The following ZNF292 variants were observed in gnomAD, a reference collection of about 807,000 sequenced individuals.
ZNF292 encodes the protein zinc finger protein 292.
ZNF292 carries 26 observed loss-of-function variants against 217.9 expected under a neutral mutation model. The ratio of observed to expected loss-of-function variants is 0.12; its 90% CI spans 0.09 to 0.17. The LOEUF is 0.17. ZNF292 is among the 10% of genes least tolerant of loss of function. The probability of loss-of-function intolerance (pLI) is 1.00; values close to 1 mark genes in which losing one functional copy is unlikely to be tolerated. For missense variants in ZNF292, 2,904 were observed against 3,175.2 expected (o/e 0.91, Z 2.05); for synonymous variants, 1,257 against 1,124.1 (o/e 1.12, Z -2.37).
intron 4 of ZNF292, among the ~76,000 whole-genome samples, chr6:87,222,612 CCATATA>C (rs1305600242): frequency 6.6e-6 from 1 of 152,120 alleles, no homozygotes; most frequent in African/African-American, 2.4e-5. Flanking sequence ...TGAAGAGTTT[CCATATA>C]CCCTGAACCC....
chr6:87,252,702 A>G (rs1298502855), intron 7 of ZNF292, among the ~76,000 whole-genome samples: 2 of 151,966 alleles, frequency 1.3e-5, no homozygotes, highest in Admixed American at 6.5e-5. Flanking sequence ...TCTTTCTTGC[A>G]TATCGTAATA....
intron 4 of ZNF292, among the ~76,000 whole-genome samples, chr6:87,232,224 CAT>C (rs1562159272): frequency 6.6e-6 from 1 of 152,044 alleles, no homozygotes; most frequent in Non-Finnish European, 1.5e-5. Context: ...GAGCCATGAT[CAT>C]AGCATTTTAT....
At chr6:87,206,921 T>C (rs1346670452) in intron 1 of ZNF292, among the ~76,000 whole-genome samples, 1 of 152,186 alleles carries the variant, frequency 6.6e-6, no homozygotes, top group Non-Finnish European at 1.5e-5. Context: ...TGAAGTTTCT[T>C]TGCAGAAGTG....
chr6:87,224,719 A>C (rs996290258), intron 4 of ZNF292, among the ~76,000 whole-genome samples: 1 of 152,142 alleles, frequency 6.6e-6, no homozygotes, highest in Non-Finnish European at 1.5e-5. Flanking sequence ...GTATCCATTC[A>C]CCTGTTAAAG....
At chr6:87,201,861 T>C (rs1772107388) in intron 1 of ZNF292, among the ~76,000 whole-genome samples, 1 of 152,272 alleles carries the variant, frequency 6.6e-6, no homozygotes. Flanking sequence ...CTCACTGGTT[T>C]CTGATGGGGC....
intron 5 of ZNF292, among the ~76,000 whole-genome samples, chr6:87,233,947 A>G (rs1053123820): frequency 2.0e-5 from 3 of 152,208 alleles, no homozygotes; most frequent in African/African-American, 7.2e-5. Flanking sequence ...TATAAATTCT[A>G]TATAGAATAT....
intron 1 of ZNF292, among the ~76,000 whole-genome samples, chr6:87,194,349 T>C (rs1399726384): frequency 1.3e-5 from 2 of 151,642 alleles, no homozygotes; most frequent in African/African-American, 2.4e-5. Context: ...AAATTTAATA[T>C]TTATGTAAAA....
At chr6:87,219,918 C>T (rs1772993793) in intron 4 of ZNF292, among the ~76,000 whole-genome samples, 1 of 152,184 alleles carries the variant, frequency 6.6e-6, no homozygotes, top group Non-Finnish European at 1.5e-5. Flanking sequence ...GCCTCACTTC[C>T]AGACTCAAGT....
At chr6:87,240,640 C>T (rs956536693) in intron 5 of ZNF292, among the ~76,000 whole-genome samples, 4 of 152,036 alleles carry the variant, frequency 2.6e-5, no homozygotes, top group East Asian at 3.9e-4. Flanking sequence ...AGGCTGGTCT[C>T]GAACTCCTGA....
At chr6:87,214,097 A>G (rs544572418) in intron 1 of ZNF292, among the ~76,000 whole-genome samples, 3 of 152,300 alleles carry the variant, frequency 2.0e-5, no homozygotes, top group Non-Finnish European at 4.4e-5. Flanking sequence ...GATTATATGT[A>G]TAATAGTGAC....
chr6:87,193,936 A>G (rs186910497), intron 1 of ZNF292, among the ~76,000 whole-genome samples: 73 of 152,326 alleles, frequency 4.8e-4, no homozygotes, highest in Middle Eastern at 3.4e-3. Flanking sequence ...ATCTTAATGA[A>G]ATCTAGGAAC....
chr6:87,192,385 C>G (rs755109062), intron 1 of ZNF292, among the ~76,000 whole-genome samples: 3 of 151,048 alleles, frequency 2.0e-5, no homozygotes, highest in Non-Finnish European at 4.4e-5. Context: ...TTAACCCTAG[C>G]GAAAATAACT....
rs954587042 is a variant in ZNF292 at position 87,257,118 on chromosome 6, C to T, written c.3489C>T (p.Ser1163=). The change falls in exon 8 of 8, where the codon AGC becomes AGT. Residue 1163 remains serine, a synonymous_variant. Coordinates refer to ENST00000369577, the MANE Select transcript of ZNF292 (RefSeq NM_015021.3). ...ATTTTTTGCCATCACCGGTGAACAGCTCAAATCCATTTTTTACATCACAGA... is the reference window on the plus strand; with the variant it reads ...ATTTTTTGCCATCACCGGTGAACAGTTCAAATCCATTTTTTACATCACAGA... ...FVYFLPSPVN[S]SNPFFTSQTK... 2 of 1,613,840 alleles carry T rather than the reference C, an allele frequency of 1.2e-6. No homozygotes were observed. Among genetic ancestry groups the T allele is most frequent in the Non-Finnish European group, 8.5e-7 (1 of 1,179,828 alleles).
At chr6:87,164,233 G>A (rs1480690644) in intron 1 of ZNF292, among the ~76,000 whole-genome samples, 1 of 152,184 alleles carries the variant, frequency 6.6e-6, no homozygotes, top group East Asian at 1.9e-4. Flanking sequence ...GTGGTTGTCA[G>A]ACAGGCTGGT....
chr6:87,159,002 G>A (rs1450138569), intron 1 of ZNF292, among the ~76,000 whole-genome samples: 1 of 152,128 alleles, frequency 6.6e-6, no homozygotes, highest in Non-Finnish European at 1.5e-5. Flanking sequence ...GTAACCCTTA[G>A]TTTTGCATTT....
At chr6:87,213,002 C>T (rs1028424026) in intron 1 of ZNF292, among the ~76,000 whole-genome samples, 2 of 152,080 alleles carry the variant, frequency 1.3e-5, no homozygotes, top group Non-Finnish European at 2.9e-5. Context: ...CTGAAAATCA[C>T]CTGACAAACA....
At chr6:87,238,561 AAATT>A (rs1774015805) in intron 5 of ZNF292, among the ~76,000 whole-genome samples, 1 of 150,868 alleles carries the variant, frequency 6.6e-6, no homozygotes, top group African/African-American at 2.4e-5. Flanking sequence ...CATAATAGAT[AAATT>A]TGGTACCATA....
intron 6 of ZNF292, among the ~76,000 whole-genome samples, chr6:87,244,920 A>G (rs1774494682): frequency 6.6e-6 from 1 of 152,048 alleles, no homozygotes. Context: ...ATGTGGCTCA[A>G]AGTCATCATC....
At chr6:87,158,951 T>TAG (rs1379684229) in intron 1 of ZNF292, among the ~76,000 whole-genome samples, 1 of 152,382 alleles carries the variant, frequency 6.6e-6, no homozygotes, top group South Asian at 2.1e-4. Context: ...TTAATGGGCT[T>TAG]CAGAATTAAT....
Sources: gnomAD v4.1 joint callset for allele counts (sites outside exome capture counted in the v4.1 genomes callset) on GRCh38, gnomAD v4.1.1 for gene constraint, MANE v1.5 for transcripts, NCBI Gene and HGNC (gene_info 2026-07-23, HGNC 2026-07-21) for gene names.